The following UQCC1 variants were observed in gnomAD, a reference collection of about 807,000 sequenced individuals.
The protein encoded by UQCC1 is bFGF-repressed Zic-binding protein.
UQCC1 carries 38 observed loss-of-function variants against 48.0 expected under a neutral mutation model. The ratio of observed to expected loss-of-function variants is 0.79; its 90% CI spans 0.61 to 1.04. The LOEUF (loss-of-function observed/expected upper bound fraction) is 1.04, where lower values mean the gene tolerates loss of function less well. Among genes scored for constraint, UQCC1 ranks in the 50% least tolerant of loss-of-function variants. The pLI is 0.00. For missense variants in UQCC1, 368 were observed against 381.8 expected (o/e 0.96, Z 0.30); for synonymous variants, 111 against 129.2 (o/e 0.86, Z 0.95).
In UQCC1 at chr20:35,303,365, C is replaced by T. The variant is rs542714454; in HGVS notation, c.*570G>A. 1.6e-4 allele frequency: 25 copies of T among 153,446 alleles called. No homozygotes were observed. The highest frequency in any genetic ancestry group is 3.1e-4 in the Non-Finnish European group (21 of 68,710). The allele number at this position is 153,446 out of a possible 1,614,324, so 9.5% of individuals were successfully genotyped here. A position where few individuals can be genotyped will look rare whatever the true frequency, so the allele number is the denominator to read the frequency against. On this transcript the variant is annotated 3_prime_UTR_variant, in exon 10 of 10. Coordinates refer to ENST00000374385, the MANE Select transcript of UQCC1 (RefSeq NM_018244.5). ...ACCATCCCAGCCTCTTCCCTTTCTC[C>T]GTCTCTAACTGAGCTGCGCGGTGCC...
chr20:35,353,389 C>G lies in UQCC1; in HGVS notation c.465-6117G>C, dbSNP rs184864450. Among the ~76,000 whole-genome samples, 990 of 142,124 alleles carry G rather than the reference C, an allele frequency of 7.0e-3. 14 individuals are homozygous for G. The highest frequency in any genetic ancestry group is 0.025 in the African/African-American group (945 of 38,254). The allele number at this position is 142,124 out of a possible 152,430, so 93.2% of individuals were successfully genotyped here. ...CCAGCCTGGGCAACAGAGCAAGACT[C>G]TACCTAAAAAAAAAAAAAAAAATTT... On this transcript the variant is annotated intron_variant, in intron 6 of 9. Coordinates refer to ENST00000374385, the MANE Select transcript of UQCC1 (RefSeq NM_018244.5).
At chr20:35,324,605 C>A (rs562768589) in intron 7 of UQCC1, among the ~76,000 whole-genome samples, 1 of 152,244 alleles carries the variant, frequency 6.6e-6, no homozygotes, top group African/African-American at 2.4e-5. Flanking sequence ...GGATTACAGG[C>A]GTGAGCCACC....
chr20:35,383,877 C>T (rs2061905899), intron 3 of UQCC1, among the ~76,000 whole-genome samples, 161 bp downstream of exon 3: 1 of 152,098 alleles, frequency 6.6e-6, no homozygotes, highest in South Asian at 2.1e-4. Flanking sequence ...ATTTTGTCTG[C>T]CACTTACTTA....
At chr20:35,352,632 G>A (rs1054837542) in intron 6 of UQCC1, among the ~76,000 whole-genome samples, 3 of 152,178 alleles carry the variant, frequency 2.0e-5, no homozygotes, top group African/African-American at 7.2e-5. Context: ...TGGTCTAGAT[G>A]ATCCTGACCT....
At chr20:35,385,844 C>CT (rs111277050) in intron 2 of UQCC1, among the ~76,000 whole-genome samples, 2,105 of 137,526 alleles carry the variant, frequency 0.015, 15 homozygotes, top group African/African-American at 0.02. Flanking sequence ...TTTAAATAGA[C>CT]TTTTTTTTTT....
At chr20:35,313,038 T>C (rs758098146) in intron 8 of UQCC1, among the ~76,000 whole-genome samples, 14 of 152,228 alleles carry the variant, frequency 9.2e-5, no homozygotes, top group Middle Eastern at 6.8e-3. Flanking sequence ...CACTTAAAAA[T>C]AGTTAAAATG....
chr20:35,313,399 A>G (rs999243802), intron 8 of UQCC1, among the ~76,000 whole-genome samples: 3 of 150,014 alleles, frequency 2.0e-5, no homozygotes, highest in Admixed American at 6.6e-5. Context: ...AAAAAAAAAA[A>G]GATGAGATAG....
At chr20:35,352,303 A>G (rs2061497996) in intron 6 of UQCC1, among the ~76,000 whole-genome samples, 1 of 152,248 alleles carries the variant, frequency 6.6e-6, no homozygotes, top group African/African-American at 2.4e-5. Flanking sequence ...TATAGGATGC[A>G]GAAAACTGAA....
chr20:35,374,377 T>C, intron 4 of UQCC1, 121 bp from the exon 5 acceptor site: 2 of 613,174 alleles, frequency 3.3e-6, no homozygotes, highest in South Asian at 3.2e-5. Flanking sequence ...AACCACTCTC[T>C]AGGTAATTTA....
intron 4 of UQCC1, among the ~76,000 whole-genome samples, chr20:35,380,898 C>T (rs1381218262): frequency 2.0e-5 from 3 of 152,298 alleles, no homozygotes; most frequent in East Asian, 3.9e-4. Flanking sequence ...ATCCAAAAAT[C>T]CAAAATGCTC....
intron 8 of UQCC1, among the ~76,000 whole-genome samples, chr20:35,311,138 G>A (rs1049066301): frequency 6.6e-6 from 1 of 152,164 alleles, no homozygotes; most frequent in African/African-American, 2.4e-5. Flanking sequence ...GTTAGGTAGA[G>A]TCTCAGTCAG....
chr20:35,364,189 A>T (rs1365425887), intron 6 of UQCC1, among the ~76,000 whole-genome samples: 1 of 152,170 alleles, frequency 6.6e-6, no homozygotes, highest in Non-Finnish European at 1.5e-5. Flanking sequence ...CCTTTCTCTG[A>T]CAGAAATTCT....
chr20:35,365,128 T>C (rs1004743258), intron 6 of UQCC1, among the ~76,000 whole-genome samples: 12 of 152,236 alleles, frequency 7.9e-5, no homozygotes. Flanking sequence ...GCGTGGCACA[T>C]TTCAAAGAAC....
chr20:35,389,933 A>G (rs2061992762), intron 2 of UQCC1, among the ~76,000 whole-genome samples: 1 of 152,240 alleles, frequency 6.6e-6, no homozygotes, highest in Non-Finnish European at 1.5e-5. Context: ...AGGAACCCAA[A>G]TGTCCATTGA....
At chr20:35,410,754 T>A (rs1260942425) in intron 1 of UQCC1, among the ~76,000 whole-genome samples, 129 of 40,120 alleles carry the variant, frequency 3.2e-3, no homozygotes, top group Middle Eastern at 0.013. Context: ...AGGGGAAGGA[T>A]TAAAAAAAAA....
chr20:35,313,159 A>G (rs957373830), intron 8 of UQCC1, among the ~76,000 whole-genome samples: 1 of 151,894 alleles, frequency 6.6e-6, no homozygotes, highest in Non-Finnish European at 1.5e-5. Context: ...GGCAGATCAC[A>G]AGGTCAGGAG....
At chr20:35,377,243 T>C (rs1379538212) in intron 4 of UQCC1, among the ~76,000 whole-genome samples, 1 of 152,196 alleles carries the variant, frequency 6.6e-6, no homozygotes, top group Non-Finnish European at 1.5e-5. Context: ...GTGAAATTTA[T>C]CCCAGGAATG....
chr20:35,306,688 A>C lies in UQCC1; in HGVS notation c.743T>G (p.Leu248Arg). ...KCEDPRHLEL[L>R]VEYVRKQIQY... ...CACCTGTTTCCTCACATACTCTACC[A>C]GCAATTCAAGATGTCGAGGGTCTTC... Residue 248 changes from leucine to arginine, a missense_variant, in exon 9 of 10, where the codon CTG (leucine) becomes CGG (arginine). Coordinates refer to ENST00000374385, the MANE Select transcript of UQCC1 (RefSeq NM_018244.5). The C allele has an allele frequency of 6.2e-7, 1 of 1,613,842 alleles. No homozygotes were observed. Among genetic ancestry groups the C allele is most frequent in the Non-Finnish European group, 8.5e-7 (1 of 1,179,972 alleles).
chr20:35,316,934 G>A (rs1294188702), intron 7 of UQCC1, among the ~76,000 whole-genome samples: 2 of 149,624 alleles, frequency 1.3e-5, no homozygotes, highest in Non-Finnish European at 1.5e-5. Flanking sequence ...CACCACGCCC[G>A]GCCCATTTCC....
Sources: allele counts gnomAD v4.1 joint callset (sites outside exome capture counted in the v4.1 genomes callset), GRCh38; gene constraint gnomAD v4.1.1; transcripts MANE v1.5; gene names NCBI Gene and HGNC (gene_info 2026-07-23, HGNC 2026-07-21).